SEMA3A: variants seen among roughly 807,000 people sequenced by gnomAD.
The protein encoded by SEMA3A is semaphorin-3A.
Under a neutral mutation model 97.9 loss-of-function variants are expected in SEMA3A, and 29 were observed. That is an observed-to-expected ratio of 0.30 (90% CI 0.22 to 0.40). The LOEUF (loss-of-function observed/expected upper bound fraction) is 0.40. SEMA3A is among the 10% of genes least tolerant of loss of function. SEMA3A has a pLI of 1.00. For synonymous variants in SEMA3A, 321 were observed against 323.7 expected (o/e 0.99, Z 0.09); for missense variants, 763 against 951.3 (o/e 0.80, Z 2.60).
chr7:84,278,554 A>T, intron 3 of SEMA3A, among the ~76,000 whole-genome samples: 1 of 152,130 alleles, frequency 6.6e-6, no homozygotes, highest in East Asian at 1.9e-4. Context: ...AAGATGTTTA[A>T]TTGGCTCATG....
At chr7:84,457,799 C>A (rs1805721970) in intron 1 of SEMA3A, among the ~76,000 whole-genome samples, 1 of 151,912 alleles carries the variant, frequency 6.6e-6, no homozygotes, top group Admixed American at 6.6e-5. Context: ...TATTGGTCAA[C>A]CAATCTTTAG....
At chr7:84,415,597 A>G (rs1804411983) in intron 1 of SEMA3A, among the ~76,000 whole-genome samples, 1 of 152,146 alleles carries the variant, frequency 6.6e-6, no homozygotes, top group Admixed American at 6.6e-5. Flanking sequence ...CTTATACCTG[A>G]TGAATCTAGA....
intron 2 of SEMA3A, among the ~76,000 whole-genome samples, chr7:84,353,027 T>G (rs611954): frequency 0.62 from 94,197 of 151,534 alleles, 30,729 homozygotes; most frequent in African/African-American, 0.82. Flanking sequence ...GTCCACAGAA[T>G]CTCAAGTCAC....
chr7:84,078,203 T>A (rs1794019590), intron 4 of SEMA3A, among the ~76,000 whole-genome samples: 1 of 152,074 alleles, frequency 6.6e-6, no homozygotes, highest in African/African-American at 2.4e-5. Context: ...CTGTATCCCA[T>A]TATGTAAGTC....
intron 4 of SEMA3A, among the ~76,000 whole-genome samples, chr7:84,082,070 T>C (rs899623610): frequency 6.6e-6 from 1 of 152,132 alleles, no homozygotes; most frequent in Non-Finnish European, 1.5e-5. Flanking sequence ...AGGTTAAGGG[T>C]GGTTTGCCCC....
intron 4 of SEMA3A, among the ~76,000 whole-genome samples, chr7:84,081,510 G>C (rs985051628): frequency 6.6e-6 from 1 of 151,266 alleles, no homozygotes; most frequent in Non-Finnish European, 1.5e-5. Flanking sequence ...GGAGAATGGC[G>C]TGAACCCGGG....
intron 1 of SEMA3A, among the ~76,000 whole-genome samples, chr7:84,433,067 A>G (rs1805026829): frequency 6.6e-6 from 1 of 150,988 alleles, no homozygotes; most frequent in African/African-American, 2.4e-5. Context: ...CTGTTATTTG[A>G]CTTTATTATT....
chr7:84,406,121 G>C (rs557041160), intron 1 of SEMA3A, among the ~76,000 whole-genome samples: 2 of 152,124 alleles, frequency 1.3e-5, no homozygotes, highest in East Asian at 1.9e-4. Context: ...CTGGTTTTTT[G>C]AAAAGATCAA....
intron 3 of SEMA3A, among the ~76,000 whole-genome samples, chr7:84,303,559 A>T (rs1235957855): frequency 1.3e-5 from 2 of 152,100 alleles, no homozygotes; most frequent in African/African-American, 4.8e-5. Flanking sequence ...TTGAAAAAAA[A>T]AAAGGTATTA....
At chr7:84,019,935 T>G (rs1791258355) in intron 6 of SEMA3A, among the ~76,000 whole-genome samples, 1 of 151,710 alleles carries the variant, frequency 6.6e-6, no homozygotes, top group Non-Finnish European at 1.5e-5. Context: ...TATTCTTAAA[T>G]TTTTCTTTAG....
chr7:84,001,069 GTT>G (rs34816248), intron 12 of SEMA3A, among the ~76,000 whole-genome samples: 50,539 of 147,818 alleles, frequency 0.34, 9,052 homozygotes, highest in Middle Eastern at 0.41. Context: ...TCTAATACGT[GTT>G]TTTTTTTTTT....
intron 5 of SEMA3A, among the ~76,000 whole-genome samples, chr7:84,051,645 G>A (rs927132880): frequency 6.6e-6 from 1 of 152,176 alleles, no homozygotes; most frequent in African/African-American, 2.4e-5. Context: ...ATACGATCAT[G>A]TCGTCTGCAA....
chr7:84,363,047 G>T (rs1802764472), intron 2 of SEMA3A, among the ~76,000 whole-genome samples: 1 of 151,906 alleles, frequency 6.6e-6, no homozygotes, highest in Non-Finnish European at 1.5e-5. Context: ...TAGATGATAT[G>T]CCCTGATCCA....
chr7:84,164,369 A>C (rs1797138477), intron 1 of SEMA3A, among the ~76,000 whole-genome samples: 1 of 152,156 alleles, frequency 6.6e-6, no homozygotes, highest in African/African-American at 2.4e-5. Context: ...TTTTTTATAT[A>C]ATTATGAAAA....
chr7:84,069,213 G>A (rs995184860), intron 4 of SEMA3A, among the ~76,000 whole-genome samples: 1 of 152,008 alleles, frequency 6.6e-6, no homozygotes, highest in African/African-American at 2.4e-5. Context: ...TGTTGAAATC[G>A]GGCAGAACTG....
intron 1 of SEMA3A, among the ~76,000 whole-genome samples, chr7:84,489,837 G>A (rs1806674026): frequency 6.6e-6 from 1 of 152,118 alleles, no homozygotes; most frequent in Admixed American, 6.6e-5. Context: ...GTGTTGATAT[G>A]TGGTTAAAAA....
intron 3 of SEMA3A, among the ~76,000 whole-genome samples, chr7:84,302,516 A>G (rs879278044): frequency 1.3e-5 from 2 of 152,150 alleles, no homozygotes; most frequent in African/African-American, 2.4e-5. Context: ...CAGCCATAAA[A>G]TCCCCTTCCC....
chr7:84,268,448 G>A (rs1220054797), intron 3 of SEMA3A, among the ~76,000 whole-genome samples: 1 of 152,010 alleles, frequency 6.6e-6, no homozygotes, highest in Non-Finnish European at 1.5e-5. Flanking sequence ...CTTGGGCCCA[G>A]GTGAAAATGA....
intron 1 of SEMA3A, 118 bp from the exon 2 acceptor site, chr7:84,135,069 C>T (rs1277806973): frequency 7.6e-6 from 5 of 660,512 alleles, no homozygotes; most frequent in Admixed American, 3.2e-5. Flanking sequence ...AGTGCTTATT[C>T]TTCAGGGTAC....
Sources: allele counts gnomAD v4.1 joint callset (sites outside exome capture counted in the v4.1 genomes callset), GRCh38; gene constraint gnomAD v4.1.1; transcripts MANE v1.5; gene names NCBI Gene and HGNC (gene_info 2026-07-23, HGNC 2026-07-21).